Variants in DTWD2 observed in about 807,000 individuals in gnomAD.
The protein encoded by DTWD2 is DTW motif tRNA-uridine aminocarboxypropyltransferase 2.
In DTWD2, 39 loss-of-function variants were observed where a neutral mutation model predicts 31.8. That is an observed-to-expected ratio of 1.22 (90% confidence interval 0.95 to 1.60). The LOEUF is 1.60. Ranked by LOEUF, DTWD2 falls within the 40% of genes most tolerant of loss-of-function variation. The pLI is 0.00. For synonymous variants in DTWD2, 180 were observed against 142.8 expected (o/e 1.26, Z -1.86); for missense variants, 515 against 381.5 (o/e 1.35, Z -2.92).
intron 4 of DTWD2, among the ~76,000 whole-genome samples, chr5:118,921,557 A>C (rs1753705126): frequency 6.6e-6 from 1 of 152,000 alleles, no homozygotes; most frequent in Non-Finnish European, 1.5e-5. Flanking sequence ...AAGAAAAAAA[A>C]AGTAAAAAGT....
At chr5:118,888,074 T>TTA (rs10654838) in intron 4 of DTWD2, among the ~76,000 whole-genome samples, 143,683 of 152,220 alleles carry the variant, frequency 0.94, 67,864 homozygotes, top group African/African-American at 0.97. Context: ...TCTGTTCCAT[T>TTA]TATGTTTTTA....
At chr5:118,966,620 AG>A (rs1001782256) in intron 1 of DTWD2, among the ~76,000 whole-genome samples, 4 of 152,350 alleles carry the variant, frequency 2.6e-5, no homozygotes, top group African/African-American at 9.6e-5. Flanking sequence ...AAACTATAGA[AG>A]GAAAAGTTGA....
chr5:118,857,875 T>C (rs376582500), intron 4 of DTWD2, among the ~76,000 whole-genome samples: 5 of 152,166 alleles, frequency 3.3e-5, no homozygotes, highest in African/African-American at 1.2e-4. Flanking sequence ...TGAAAAGTGG[T>C]TGTGCAACTG....
intron 4 of DTWD2, among the ~76,000 whole-genome samples, chr5:118,925,843 T>G (rs1753797367): frequency 6.7e-6 from 1 of 148,180 alleles, no homozygotes; most frequent in African/African-American, 2.5e-5. Flanking sequence ...AGACTCCATC[T>G]CAAAAAAAAA....
At chr5:118,981,484 T>C (rs900533793) in intron 1 of DTWD2, among the ~76,000 whole-genome samples, 4 of 152,058 alleles carry the variant, frequency 2.6e-5, no homozygotes, top group Non-Finnish European at 4.4e-5. Context: ...AATACATACC[T>C]TTTCAACTAG....
At chr5:118,966,713 A>T (rs951450591) in intron 1 of DTWD2, among the ~76,000 whole-genome samples, 1 of 152,150 alleles carries the variant, frequency 6.6e-6, no homozygotes, top group Non-Finnish European at 1.5e-5. Flanking sequence ...TTTCCCTAAC[A>T]GTTCTCCATA....
At chr5:118,940,828 TC>T in intron 2 of DTWD2, among the ~76,000 whole-genome samples, 1 of 152,310 alleles carries the variant, frequency 6.6e-6, no homozygotes, top group African/African-American at 2.4e-5. Context: ...GATTTAGCTT[TC>T]TAATACCACT....
chr5:118,865,995 CGTGT>C (rs3068505), intron 4 of DTWD2, among the ~76,000 whole-genome samples: 9,836 of 146,758 alleles, frequency 0.067, 433 homozygotes, highest in African/African-American at 0.12. Flanking sequence ...CGTGTGTCTG[CGTGT>C]GTGTGTGTGT....
At chr5:118,985,624 C>T (rs1250323614) in intron 1 of DTWD2, among the ~76,000 whole-genome samples, 11 of 151,024 alleles carry the variant, frequency 7.3e-5, no homozygotes, top group Non-Finnish European at 5.9e-5. Flanking sequence ...GAACATGCAT[C>T]CTTTTGCCTT....
rs188180572 is a variant in DTWD2, at chr5:118,882,002, A to C, written c.598-33784T>G. On this transcript the variant is annotated intron_variant, in intron 4 of 5. Coordinates refer to ENST00000510708, the MANE Select transcript of DTWD2 (RefSeq NM_173666.4). ...TCCCCCAAAGTCTTAACTCATTTCC[A>C]CATTAACCCAAAAGTCCAAGTTCAA... Among the ~76,000 whole-genome samples the C allele has an allele frequency of 9.2e-3, 1,396 of 152,258 alleles. 8 individuals carry two copies. Among genetic ancestry groups the C allele is most frequent in the Middle Eastern group, 0.024 (7 of 294 alleles).
At chr5:118,905,576 C>G (rs1312610014) in intron 4 of DTWD2, among the ~76,000 whole-genome samples, 1 of 152,132 alleles carries the variant, frequency 6.6e-6, no homozygotes, top group African/African-American at 2.4e-5. Context: ...TTCAAAGAAT[C>G]TTACTATGTC....
At chr5:118,972,955 GTTGCTTTGATCCCT>G (rs1755022275) in intron 1 of DTWD2, among the ~76,000 whole-genome samples, 1 of 151,948 alleles carries the variant, frequency 6.6e-6, no homozygotes, top group African/African-American at 2.4e-5. Flanking sequence ...AGCTCTTCTT[GTTGCTTTGATCCCT>G]TTGCCATTAT....
At position 118,848,216 on chromosome 5, in the gene DTWD2, C is replaced by T. The variant is rs143607164; in HGVS notation, c.600G>A (p.Val200=). The T allele has an allele frequency of 1.0e-4, 163 of 1,578,724 alleles. No homozygotes were observed. In the East Asian group the frequency reaches 3.6e-3, roughly 35 times the overall value. ...GACTAGAAATGCTAGTTTTTAATTG[C>T]ACCTGAAATCAAAAACAAAATAGAA... ...KNSLFRHPKQ[V]QLKTSISSQY... The change falls in exon 5 of 6, where the codon GTG becomes GTA. Residue 200 remains valine, a splice_region_variant and synonymous_variant. Transcript: ENST00000510708.
intron 4 of DTWD2, among the ~76,000 whole-genome samples, chr5:118,874,424 A>C (rs1163369001): frequency 6.6e-6 from 1 of 152,226 alleles, no homozygotes; most frequent in Non-Finnish European, 1.5e-5. Context: ...TATTTACAGA[A>C]GTACATTAAA....
intron 4 of DTWD2, among the ~76,000 whole-genome samples, chr5:118,881,707 G>C (rs1159172900): frequency 6.6e-6 from 1 of 152,102 alleles, no homozygotes; most frequent in Non-Finnish European, 1.5e-5. Flanking sequence ...TTACACAACA[G>C]CAGGAGAGAG....
intron 1 of DTWD2, among the ~76,000 whole-genome samples, chr5:118,972,024 G>T (rs1417883472): frequency 6.6e-6 from 1 of 152,150 alleles, no homozygotes; most frequent in Non-Finnish European, 1.5e-5. Flanking sequence ...AAGCTAGTAA[G>T]ATCTCAAATC....
intron 1 of DTWD2, among the ~76,000 whole-genome samples, chr5:118,968,090 A>G (rs895356956): frequency 1.3e-5 from 2 of 152,208 alleles, no homozygotes; most frequent in African/African-American, 4.8e-5. Context: ...TAGTCTTACC[A>G]AAAATGTATA....
intron 1 of DTWD2, among the ~76,000 whole-genome samples, chr5:118,982,638 G>C (rs1755327322): frequency 6.7e-6 from 1 of 148,182 alleles, no homozygotes; most frequent in African/African-American, 2.5e-5. Flanking sequence ...TACCCTAAAA[G>C]TTATCAATAA....
intron 4 of DTWD2, among the ~76,000 whole-genome samples, chr5:118,875,676 A>C (rs1752605153): frequency 6.6e-6 from 1 of 152,116 alleles, no homozygotes; most frequent in Non-Finnish European, 1.5e-5. Flanking sequence ...TATCCTAAAT[A>C]TGTATGTGCC....
Sources: allele counts gnomAD v4.1 joint callset (sites outside exome capture counted in the v4.1 genomes callset), GRCh38; gene constraint gnomAD v4.1.1; transcripts MANE v1.5; gene names NCBI Gene and HGNC (gene_info 2026-07-23, HGNC 2026-07-21).